The following PDE8B variants were observed in gnomAD, a reference collection of about 807,000 sequenced individuals.
PDE8B encodes the protein high affinity cAMP-specific and IBMX-insensitive 3',5'-cyclic phosphodiesterase 8B.
PDE8B carries 26 observed loss-of-function variants against 101.3 expected under a neutral mutation model. The observed-to-expected ratio is 0.26, with a 90% CI of 0.19 to 0.36. The LOEUF is 0.36. Ranked by LOEUF, PDE8B falls within the 10% of genes least tolerant of loss-of-function variation. The probability of loss-of-function intolerance (pLI) is 1.00; values close to 1 mark genes in which losing one functional copy is unlikely to be tolerated. For synonymous variants in PDE8B, 424 were observed against 429.3 expected (o/e 0.99, Z 0.15); for missense variants, 810 against 1,163.1 (o/e 0.70, Z 4.42).
At chr5:77,292,545 C>T (rs1767597295) in intron 1 of PDE8B, among the ~76,000 whole-genome samples, 1 of 152,140 alleles carries the variant, frequency 6.6e-6, no homozygotes, top group Non-Finnish European at 1.5e-5. Context: ...CTGTGAAATT[C>T]ACTGTAAAAT....
intron 1 of PDE8B, among the ~76,000 whole-genome samples, chr5:77,229,253 T>C (rs1316635282): frequency 1.3e-5 from 2 of 152,220 alleles, no homozygotes; most frequent in African/African-American, 4.8e-5. Flanking sequence ...TTCATTTTTC[T>C]TGCAAACAGT....
chr5:77,291,350 G>A, intron 1 of PDE8B: 1 of 1,612,304 alleles, frequency 6.2e-7, no homozygotes, highest in Non-Finnish European at 8.5e-7. Flanking sequence ...AAGAAGCAAA[G>A]AAAGAAGGTA....
chr5:77,279,900 T>G (rs1764619253), intron 1 of PDE8B, among the ~76,000 whole-genome samples: 1 of 152,204 alleles, frequency 6.6e-6, no homozygotes, highest in Non-Finnish European at 1.5e-5. Context: ...CATCCTTGTC[T>G]TATGCTGCAC....
Position 77,243,959 on chromosome 5 carries a change from G to A in PDE8B, c.339+32695G>A, listed in dbSNP as rs577659455. 1.3e-4 allele frequency among the ~76,000 whole-genome samples: 19 copies of A among 151,946 alleles called. No individual in the cohort carries two copies. The South Asian group carries it at 3.3e-3, about 27-fold the overall frequency. On this transcript the variant is annotated intron_variant, in intron 1 of 21. Transcript: ENST00000264917. ...AACATGCTGCATTTCCACCGCCACCGCTGCATCCTTTTCTGCTTGATTAAA... is the reference window on the plus strand; with the variant it reads ...AACATGCTGCATTTCCACCGCCACCACTGCATCCTTTTCTGCTTGATTAAA...
intron 7 of PDE8B, among the ~76,000 whole-genome samples, chr5:77,346,561 G>A (rs1215724564): frequency 6.6e-6 from 1 of 152,192 alleles, no homozygotes; most frequent in Non-Finnish European, 1.5e-5. Context: ...ATCCTTGGGA[G>A]AGGTAATATT....
At chr5:77,328,674 A>G (rs1322953896) in intron 3 of PDE8B, among the ~76,000 whole-genome samples, 1 of 152,210 alleles carries the variant, frequency 6.6e-6, no homozygotes, top group African/African-American at 2.4e-5. Context: ...AGGACTGCCA[A>G]TTTATTTTTG....
intron 10 of PDE8B, among the ~76,000 whole-genome samples, chr5:77,363,118 G>A (rs982207536): frequency 6.6e-6 from 1 of 152,170 alleles, no homozygotes; most frequent in Admixed American, 6.5e-5. Context: ...CTCTCCAAGT[G>A]CATTTCATAC....
chr5:77,284,295 AT>A (rs1765569924), intron 1 of PDE8B, among the ~76,000 whole-genome samples: 1 of 152,196 alleles, frequency 6.6e-6, no homozygotes, highest in Admixed American at 6.5e-5. Flanking sequence ...TCTTGACAGT[AT>A]CTTTTGCAGA....
chr5:77,180,969 TGTG>T, the PDE8B span, among the ~76,000 whole-genome samples: 1 of 49,360 alleles, frequency 2.0e-5, no homozygotes, highest in Non-Finnish European at 4.7e-5. Flanking sequence ...TGTGTACACG[TGTG>T]TGTGTGTGTG....
At chr5:77,257,626 C>G (rs1199568386) in intron 1 of PDE8B, among the ~76,000 whole-genome samples, 1 of 152,032 alleles carries the variant, frequency 6.6e-6, no homozygotes, top group African/African-American at 2.4e-5. Flanking sequence ...ACATTTATAG[C>G]CAGAGTTCTC....
the PDE8B span, among the ~76,000 whole-genome samples, chr5:77,205,439 CT>C: frequency 6.6e-6 from 1 of 152,130 alleles, no homozygotes; most frequent in Admixed American, 6.5e-5. Context: ...GTCTCTCTTT[CT>C]TTTTTCCTCT....
intron 10 of PDE8B, among the ~76,000 whole-genome samples, chr5:77,363,149 C>A (rs149418177): frequency 6.6e-6 from 1 of 152,352 alleles, no homozygotes; most frequent in East Asian, 1.9e-4. Flanking sequence ...GCAATCCTTA[C>A]CACAACTCCA....
At chr5:77,290,342 C>A in intron 1 of PDE8B, 3 of 1,456,628 alleles carry the variant, frequency 2.1e-6, no homozygotes, top group Non-Finnish European at 2.9e-6. Flanking sequence ...AAAATGAGGG[C>A]GTGTATAATG....
At chr5:77,111,359 A>T in the PDE8B span, among the ~76,000 whole-genome samples, 2 of 152,138 alleles carry the variant, frequency 1.3e-5, no homozygotes, top group Non-Finnish European at 2.9e-5. Flanking sequence ...CAGAAAAATC[A>T]GGATGATTTT....
At position 77,427,625 on chromosome 5, in the gene PDE8B, G is replaced by A. The variant is rs1038731136; in HGVS notation, c.*1071G>A. On this transcript the variant is annotated 3_prime_UTR_variant, in exon 22 of 22. Transcript: ENST00000264917. ...AAAATTGTGTGGTGTAAATATATCA[G>A]AAAATAGGCATATGGGGAGGCAGTA... 2.0e-5 allele frequency: 3 copies of A among 152,102 alleles called. No homozygotes were observed. The highest frequency in any genetic ancestry group is 7.2e-5 in the African/African-American group (3 of 41,424). The allele number at this position is 152,102 out of a possible 1,614,324, so 9.4% of individuals were successfully genotyped here.
intron 1 of PDE8B, among the ~76,000 whole-genome samples, chr5:77,300,076 C>T (rs528223903): frequency 6.6e-6 from 1 of 152,320 alleles, no homozygotes; most frequent in Admixed American, 6.5e-5. Flanking sequence ...GCATAGAGTA[C>T]CCAGTGTTCT....
chr5:77,164,367 T>C, the PDE8B span, among the ~76,000 whole-genome samples: 1 of 152,214 alleles, frequency 6.6e-6, no homozygotes, highest in South Asian at 2.1e-4. Flanking sequence ...ATAAATGTGA[T>C]GGGGTTTTAT....
chr5:77,205,451 C>G (rs1221088341), upstream of PDE8B, among the ~76,000 whole-genome samples: 1 of 152,074 alleles, frequency 6.6e-6, no homozygotes, highest in Non-Finnish European at 1.5e-5. Context: ...TTTTTCCTCT[C>G]TGGGTGTCTG....
intron 7 of PDE8B, among the ~76,000 whole-genome samples, chr5:77,348,572 G>A (rs35010340): frequency 0.19 from 28,185 of 152,196 alleles, 3,353 homozygotes; most frequent in Middle Eastern, 0.32. Context: ...TCCCCAAACT[G>A]TAGCAAACAT....
Sources: gnomAD v4.1 joint callset for allele counts (sites outside exome capture counted in the v4.1 genomes callset) on GRCh38, gnomAD v4.1.1 for gene constraint, MANE v1.5 for transcripts, NCBI Gene and HGNC (gene_info 2026-07-23, HGNC 2026-07-21) for gene names.